Variants in KAZN observed in about 807,000 individuals in gnomAD.
KAZN encodes the protein kazrin, periplakin interacting protein, also known as kazrin.
Under a neutral mutation model 87.4 loss-of-function variants are expected in KAZN, and 40 were observed. The ratio of observed to expected loss-of-function variants is 0.46; its 90% confidence interval spans 0.36 to 0.60. The LOEUF is 0.60. Ranked by LOEUF, KAZN falls within the 20% of genes least tolerant of loss-of-function variation. The pLI, the probability that KAZN is intolerant of heterozygous loss-of-function variation, is 0.00. For synonymous variants in KAZN, 466 were observed against 458.3 expected (o/e 1.02, Z -0.22); for missense variants, 898 against 1,073.9 (o/e 0.84, Z 2.29).
At position 15,056,962 on chromosome 1, in the gene KAZN, A is replaced by G. The variant is rs1638338081; in HGVS notation, c.916+682A>G. 6.6e-6 allele frequency among the ~76,000 whole-genome samples: 1 copy of G among 152,196 alleles called. No individual in the cohort carries two copies. On this transcript the variant is annotated intron_variant, in intron 5 of 14. Coordinates refer to ENST00000376030, the MANE Select transcript of KAZN (RefSeq NM_201628.3). The surrounding 1 kb of genome is among the most constrained non-coding windows in gnomAD (Gnocchi z 5.4). ...TAGTTGCCCTTATGTGATAGATGCA[A>G]GTTGGGAACAGGCATCCAGCAGCAG... is the stretch of plus-strand genomic sequence containing the variant.
chr1:14,108,309 G>T (rs558921846), intron 1 of KAZN, among the ~76,000 whole-genome samples: 2 of 152,078 alleles, frequency 1.3e-5, no homozygotes, highest in Non-Finnish European at 2.9e-5. Flanking sequence ...CTCACAGCCC[G>T]TACTATAGAA....
chr1:14,714,817 C>T (rs192789599), intron 1 of KAZN, among the ~76,000 whole-genome samples: 4 of 111,922 alleles, frequency 3.6e-5, no homozygotes, highest in East Asian at 2.8e-4. Flanking sequence ...TTTTTTGAGA[C>T]AGGTTCTTGC....
chr1:14,880,613 G>A (rs1333266912), intron 1 of KAZN, among the ~76,000 whole-genome samples: 2 of 152,144 alleles, frequency 1.3e-5, no homozygotes, highest in Non-Finnish European at 2.9e-5. Flanking sequence ...CTCCTGCTGG[G>A]CTGGAAGTTC....
At chr1:13,998,838 C>A (rs12125352) in intron 1 of KAZN, among the ~76,000 whole-genome samples, 20,745 of 152,170 alleles carry the variant, frequency 0.14, 1,538 homozygotes, top group Middle Eastern at 0.22. Context: ...ATATTCGGGA[C>A]TTGAATTCTG....
intron 2 of KAZN, among the ~76,000 whole-genome samples, chr1:14,457,823 TG>T (rs66972091): frequency 0.032 from 4,780 of 148,646 alleles, 149 homozygotes; most frequent in African/African-American, 0.069. Context: ...TTTTTTGTTT[TG>T]TTTTTTTTTT....
intron 1 of KAZN, among the ~76,000 whole-genome samples, chr1:14,766,929 GA>G (rs1644900323): frequency 6.6e-6 from 1 of 152,046 alleles, no homozygotes; most frequent in East Asian, 1.9e-4. Context: ...CTACAACAGA[GA>G]AATATATGTG....
intron 1 of KAZN, among the ~76,000 whole-genome samples, chr1:14,838,247 A>C (rs1487601188): frequency 6.6e-6 from 1 of 152,208 alleles, no homozygotes; most frequent in Non-Finnish European, 1.5e-5. Flanking sequence ...ACAAGGGAGG[A>C]GCCCTCATGA....
intron 1 of KAZN, among the ~76,000 whole-genome samples, chr1:14,104,220 T>C (rs1293257365): frequency 6.6e-6 from 1 of 152,182 alleles, no homozygotes; most frequent in Non-Finnish European, 1.5e-5. Context: ...TCTCTCCTTC[T>C]TGTGCCAAGT....
intron 1 of KAZN, among the ~76,000 whole-genome samples, chr1:14,157,492 T>G (rs1557522506): frequency 1.3e-5 from 2 of 152,226 alleles, no homozygotes; most frequent in Non-Finnish European, 2.9e-5. Flanking sequence ...ATATTTTTGC[T>G]GGATATACTA....
chr1:14,918,004 G>A (rs555119996), intron 1 of KAZN, among the ~76,000 whole-genome samples: 114 of 152,004 alleles, frequency 7.5e-4, no homozygotes, highest in African/African-American at 2.6e-3. Context: ...TCAGCCTCCC[G>A]AGTAGCTGGG....
intron 1 of KAZN, among the ~76,000 whole-genome samples, chr1:14,602,684 A>G (rs1677073970): frequency 6.6e-6 from 1 of 152,216 alleles, no homozygotes; most frequent in Admixed American, 6.5e-5. Flanking sequence ...ATGAATGACT[A>G]ATATTAGATT....
intron 2 of KAZN, among the ~76,000 whole-genome samples, chr1:14,500,802 A>T (rs902166773): frequency 4.6e-5 from 7 of 152,192 alleles, no homozygotes; most frequent in African/African-American, 1.7e-4. Context: ...ACAGAGTATG[A>T]GGAAATACTA....
chr1:13,904,591 A>T (rs1271300422), intron 1 of KAZN, among the ~76,000 whole-genome samples: 2 of 152,154 alleles, frequency 1.3e-5, no homozygotes, highest in African/African-American at 4.8e-5. Context: ...TTTGGAAAGG[A>T]TGTTCCTCTG....
intron 2 of KAZN, among the ~76,000 whole-genome samples, chr1:14,475,700 G>T (rs950402241): frequency 1.3e-5 from 2 of 152,204 alleles, no homozygotes; most frequent in East Asian, 3.9e-4. Flanking sequence ...TTTAATATAG[G>T]GAGGGCTCTT....
intron 8 of KAZN, among the ~76,000 whole-genome samples, chr1:15,074,441 A>G (rs1639648875): frequency 6.6e-6 from 1 of 152,126 alleles, no homozygotes; most frequent in East Asian, 1.9e-4. Flanking sequence ...CAGCCTGGTG[A>G]AGGAGTCACT....
At chr1:13,900,106 C>A (rs996016430) in intron 1 of KAZN, among the ~76,000 whole-genome samples, 2 of 152,108 alleles carry the variant, frequency 1.3e-5, no homozygotes, top group Non-Finnish European at 2.9e-5. Context: ...AGCAAAATTG[C>A]GGTTATGTTC....
chr1:14,146,548 A>G (rs1323287939), intron 1 of KAZN, among the ~76,000 whole-genome samples: 1 of 150,404 alleles, frequency 6.6e-6, no homozygotes, highest in Non-Finnish European at 1.5e-5. Context: ...AAAAAAAAAA[A>G]AAAAAAAAAG....
chr1:14,240,177 T>C lies in KAZN; in HGVS notation c.249+59585T>C, dbSNP rs769931617. Among the ~76,000 whole-genome samples the C allele has an allele frequency of 8.3e-4, 127 of 152,224 alleles. 2 individuals carry two copies. Among genetic ancestry groups the C allele is most frequent in the Non-Finnish European group, 2.5e-4 (17 of 68,040 alleles). On this transcript the variant is annotated intron_variant, in intron 2 of 16. Coordinates refer to the KAZN transcript ENST00000636203. ...AGAGGCCTGGACCTAGGCTGAAAGA[T>C]ACCAGTGACAAAACTCACAGATCTC...
intron 1 of KAZN, among the ~76,000 whole-genome samples, chr1:14,721,156 T>A (rs549363204): frequency 6.6e-6 from 1 of 152,136 alleles, no homozygotes; most frequent in African/African-American, 2.4e-5. Flanking sequence ...CACCTAAATC[T>A]CGTCTTGAAT....
Sources: allele counts gnomAD v4.1 joint callset (sites outside exome capture counted in the v4.1 genomes callset), GRCh38; gene constraint gnomAD v4.1.1; non-coding constraint Gnocchi (gnomAD v3.1); transcripts MANE v1.5; gene names NCBI Gene and HGNC (gene_info 2026-07-23, HGNC 2026-07-21).